ADAMTS6: variants seen among roughly 807,000 people sequenced by gnomAD.
The protein encoded by ADAMTS6 is ADAM metallopeptidase with thrombospondin type 1 motif 6.
Under a neutral mutation model 144.3 loss-of-function variants are expected in ADAMTS6, and 23 were observed. That is an observed-to-expected ratio of 0.16 (90% CI 0.11 to 0.23). The LOEUF is 0.23. Ranked by LOEUF, ADAMTS6 falls within the 10% of genes least tolerant of loss-of-function variation. The pLI, the probability that ADAMTS6 is intolerant of heterozygous loss-of-function variation, is 1.00. For missense variants in ADAMTS6, 999 were observed against 1,379.6 expected (o/e 0.72, Z 4.37); for synonymous variants, 444 against 457.5 (o/e 0.97, Z 0.38).
At chr5:65,163,615 A>G (rs1247061747) in intron 24 of ADAMTS6, among the ~76,000 whole-genome samples, 2 of 152,274 alleles carry the variant, frequency 1.3e-5, no homozygotes, top group African/African-American at 4.8e-5. Context: ...TGATCAAAAG[A>G]AAGAGATCTC....
chr5:65,190,526 C>T (rs1754948999), intron 21 of ADAMTS6, among the ~76,000 whole-genome samples: 1 of 152,148 alleles, frequency 6.6e-6, no homozygotes, highest in African/African-American at 2.4e-5. Flanking sequence ...ACACAACCTC[C>T]AGCCATGATC....
At chr5:65,266,255 T>A (rs1430022977) in intron 12 of ADAMTS6, among the ~76,000 whole-genome samples, 2 of 151,936 alleles carry the variant, frequency 1.3e-5, no homozygotes, top group Non-Finnish European at 2.9e-5. Context: ...AATACAATAT[T>A]CACTTCGTAA....
intron 14 of ADAMTS6, among the ~76,000 whole-genome samples, chr5:65,242,671 T>G (rs1385872857): frequency 1.3e-5 from 2 of 152,188 alleles, no homozygotes; most frequent in Non-Finnish European, 1.5e-5. Flanking sequence ...CCTACTACTA[T>G]AGCTATTTAC....
At chr5:65,296,835 C>T (rs1417585040) in intron 10 of ADAMTS6, among the ~76,000 whole-genome samples, 1 of 152,094 alleles carries the variant, frequency 6.6e-6, no homozygotes, top group African/African-American at 2.4e-5. Context: ...TTTGACAGTT[C>T]AAAAAAGTTA....
intron 24 of ADAMTS6, among the ~76,000 whole-genome samples, chr5:65,156,046 T>G (rs1752395919): frequency 1.3e-5 from 2 of 152,156 alleles, no homozygotes; most frequent in Admixed American, 1.3e-4. Flanking sequence ...AAAGCCCCAT[T>G]ATTACAGAAA....
chr5:65,336,883 C>T (rs1001619086), intron 7 of ADAMTS6, among the ~76,000 whole-genome samples: 1 of 151,850 alleles, frequency 6.6e-6, no homozygotes, highest in African/African-American at 2.4e-5. Flanking sequence ...GAAGGCATGA[C>T]AAGGTAATAA....
intron 20 of ADAMTS6, among the ~76,000 whole-genome samples, chr5:65,213,295 T>A (rs1756665167): frequency 1.3e-5 from 2 of 152,342 alleles, no homozygotes; most frequent in East Asian, 3.9e-4. Context: ...ATAGACTTTA[T>A]ATTGAAATTG....
At chr5:65,222,641 A>T (rs1757413267) in intron 18 of ADAMTS6, among the ~76,000 whole-genome samples, 1 of 152,110 alleles carries the variant, frequency 6.6e-6, no homozygotes, top group Non-Finnish European at 1.5e-5. Flanking sequence ...TCCCCCTCAT[A>T]GGTATCAGTC....
chr5:65,270,063 G>T (rs940462878), intron 12 of ADAMTS6, among the ~76,000 whole-genome samples: 1 of 152,102 alleles, frequency 6.6e-6, no homozygotes, highest in East Asian at 1.9e-4. Flanking sequence ...CAAAGTGCTG[G>T]GATTGTAGGC....
rs188799569 is a variant in ADAMTS6 at position 65,467,498 on chromosome 5, A to C, written c.462+3280T>G. ...AGAATAAAAGGACAAGAATCAGACT[A>C]GCAGCAGACTTATACCTGTGAATCA... On this transcript the variant is annotated intron_variant, in intron 3 of 24. Transcript: ENST00000381055. 1.4e-3 allele frequency among the ~76,000 whole-genome samples: 220 copies of C among 152,280 alleles called. 2 individuals are homozygous for C. The highest frequency in any genetic ancestry group is 5.2e-3 in the African/African-American group (216 of 41,574).
At chr5:65,452,672 T>C (rs748604322) in intron 5 of ADAMTS6, 35 bp downstream of exon 5, 6 of 1,600,586 alleles carry the variant, frequency 3.7e-6, no homozygotes, top group South Asian at 1.1e-5. Flanking sequence ...ACAACAAATA[T>C]GAAGTAAAAT....
chr5:65,250,402 C>T (rs1033584510), intron 14 of ADAMTS6, among the ~76,000 whole-genome samples: 1 of 152,132 alleles, frequency 6.6e-6, no homozygotes, highest in African/African-American at 2.4e-5. Context: ...ATATAATTTT[C>T]CTGTCTGCCA....
chr5:65,220,324 T>TA (rs367782369), intron 18 of ADAMTS6, among the ~76,000 whole-genome samples: 17 of 152,006 alleles, frequency 1.1e-4, no homozygotes, highest in East Asian at 1.9e-4. Flanking sequence ...AAATTTATGG[T>TA]AAAAAAAATG....
chr5:65,471,427 T>C, intron 2 of ADAMTS6, among the ~76,000 whole-genome samples: 1 of 152,228 alleles, frequency 6.6e-6, no homozygotes, highest in Middle Eastern at 3.4e-3. Context: ...ACAAGAAATA[T>C]TAAAATTTTA....
chr5:65,209,869 C>T lies in ADAMTS6; in HGVS notation c.2575+4925G>A, dbSNP rs140187819. 6.0e-3 allele frequency: 920 copies of T among 152,356 alleles called. 9 individuals are homozygous for T. Among genetic ancestry groups the T allele is most frequent in the African/African-American group, 0.02 (839 of 41,526 alleles). The allele number at this position is 152,356 out of a possible 1,614,324, so 9.4% of individuals were successfully genotyped here. ...ATCTCAGTTAAGAACTGACTTTATC[C>T]CTTTTTCCCACCTAGCACTGCTGGG... On this transcript the variant is annotated intron_variant, in intron 20 of 24. Transcript: ENST00000381055.
intron 15 of ADAMTS6, among the ~76,000 whole-genome samples, chr5:65,237,456 TCTCTTAAG>T (rs1311640132): frequency 7.8e-6 from 1 of 127,844 alleles, no homozygotes; most frequent in Non-Finnish European, 1.7e-5. Flanking sequence ...ATAGCCCTTT[TCTCTTAAG>T]GGAGTTAAAT....
intron 12 of ADAMTS6, among the ~76,000 whole-genome samples, chr5:65,269,690 T>TG (rs895738125): frequency 1.2e-4 from 18 of 152,248 alleles, no homozygotes; most frequent in Admixed American, 2.6e-4. Flanking sequence ...TTCTGTAAAA[T>TG]GGAGTTAAAA....
chr5:65,296,446 A>G (rs1230033181), intron 10 of ADAMTS6, among the ~76,000 whole-genome samples: 3 of 152,118 alleles, frequency 2.0e-5, no homozygotes, highest in East Asian at 3.8e-4. Flanking sequence ...TTTTCCCCCT[A>G]TATGTAATTA....
intron 15 of ADAMTS6, among the ~76,000 whole-genome samples, chr5:65,239,111 C>T (rs1286382023): frequency 6.6e-6 from 1 of 151,652 alleles, no homozygotes; most frequent in Non-Finnish European, 1.5e-5. Context: ...ACACCGGAGA[C>T]TGTTGTGGGG....
Sources: allele counts gnomAD v4.1 joint callset (sites outside exome capture counted in the v4.1 genomes callset), GRCh38; gene constraint gnomAD v4.1.1; transcripts MANE v1.5; gene names NCBI Gene and HGNC (gene_info 2026-07-23, HGNC 2026-07-21).